THEM6: variants seen among roughly 807,000 people sequenced by gnomAD.
The protein encoded by THEM6 is protein THEM6.
THEM6 carries 10 observed loss-of-function variants against 13.7 expected under a neutral mutation model. The observed-to-expected ratio is 0.73, with a 90% CI of 0.45 to 1.24. THEM6 has a LOEUF of 1.24. Ranked by LOEUF, THEM6 falls within the 50% of genes most tolerant of loss-of-function variation. The probability of loss-of-function intolerance (pLI) is 0.00; values close to 1 mark genes in which losing one functional copy is unlikely to be tolerated. For synonymous variants in THEM6, 161 were observed against 156.0 expected, an observed-to-expected ratio of 1.03 and a Z score of -0.24; for missense variants, 317 against 312.6, an observed-to-expected ratio of 1.01 and a Z score of -0.11.
At chr8:142,731,729 G>A (rs1225478670) in intron 1 of THEM6, among the ~76,000 whole-genome samples, 2 of 152,072 alleles carry the variant, frequency 1.3e-5, no homozygotes, top group African/African-American at 4.8e-5. Flanking sequence ...GCAGCAGCAG[G>A]GCCGGGCAAT....
chr8:142,732,884 C>A (rs758979615), intron 1 of THEM6, among the ~76,000 whole-genome samples: 3 of 152,102 alleles, frequency 2.0e-5, no homozygotes, highest in Non-Finnish European at 4.4e-5. Flanking sequence ...GGATTGCCAC[C>A]AAATTGTTTG....
At position 142,727,430 on chromosome 8, in the gene THEM6, G is replaced by C; in HGVS notation, c.84G>C (p.Pro28=). The change falls in exon 1 of 2, where the codon CCG becomes CCC. Residue 28 remains proline, a synonymous_variant. Coordinates refer to ENST00000336138, the MANE Select transcript of THEM6 (RefSeq NM_016647.3). ...LLDVWYLVRL[P]CAVLRARLLQ... is the part of the protein sequence containing the mutation. ...ACGTCTGGTACCTGGTGCGCCTTCC[G>C]TGCGCCGTGCTGCGCGCGCGCCTGC... 1 of 1,546,632 alleles carries C rather than the reference G, an allele frequency of 6.5e-7. No individual in the cohort carries two copies. The highest frequency in any genetic ancestry group is 8.7e-7 in the Non-Finnish European group (1 of 1,153,504).
At chr8:142,731,891 T>C (rs1317648742) in intron 1 of THEM6, among the ~76,000 whole-genome samples, 9 of 152,136 alleles carry the variant, frequency 5.9e-5, no homozygotes, top group African/African-American at 1.9e-4. Context: ...GCCCAGAGGC[T>C]TGGCAGATGC....
rs1554642579 is a variant in THEM6, at chr8:142,727,873, G to T, written c.513+14G>T. The T allele has an allele frequency of 1.4e-6, 2 of 1,389,648 alleles. No individual in the cohort carries two copies. Among genetic ancestry groups the T allele is most frequent in the African/African-American group, 3.0e-5 (2 of 65,620 alleles). 86.1% of individuals were successfully genotyped at this position (1,389,648 alleles called of 1,614,324 possible). A position where few individuals can be genotyped will look rare whatever the true frequency, so the allele number is the denominator to read the frequency against. On this transcript the variant is annotated intron_variant, in intron 1 of 1. Coordinates refer to ENST00000336138, the MANE Select transcript of THEM6 (RefSeq NM_016647.3). ...TGCCAGCGCAGGGTGAGCGGCCCCCGCCCCTGGCCCCGGAGCACGGCCTTT... is the reference window on the plus strand; with the variant it reads ...TGCCAGCGCAGGGTGAGCGGCCCCCTCCCCTGGCCCCGGAGCACGGCCTTT...
At chr8:142,732,883 C>T (rs1487151314) in intron 1 of THEM6, among the ~76,000 whole-genome samples, 1 of 152,070 alleles carries the variant, frequency 6.6e-6, no homozygotes, top group Admixed American at 6.5e-5. Flanking sequence ...CGGATTGCCA[C>T]CAAATTGTTT....
At chr8:142,729,869 A>G (rs1554642795) in intron 1 of THEM6, among the ~76,000 whole-genome samples, 1 of 152,170 alleles carries the variant, frequency 6.6e-6, no homozygotes, top group Admixed American at 6.5e-5. Flanking sequence ...GTTTACTACA[A>G]AGTTGGCAGG....
chr8:142,727,527 C>G lies in THEM6; in HGVS notation c.181C>G (p.Leu61Val), dbSNP rs1413230051. The G allele has an allele frequency of 6.3e-7, 1 of 1,579,038 alleles. No homozygotes were observed. The highest frequency in any genetic ancestry group is 8.5e-7 in the Non-Finnish European group (1 of 1,171,070). ...CCGCGTGCTGCCCTCGGACTTGGAC[C>G]TGCTGCTGCACATGAACAACGCGCG... Reference protein sequence around the residue: ...PGRVLPSDLDLLLHMNNARYL... With the variant: ...PGRVLPSDLDVLLHMNNARYL... Residue 61 changes from leucine (L) to valine (V), a missense_variant, in exon 1 of 2, where the codon CTG becomes GTG. By Grantham distance (32) the Leu-to-Val change is conservative. Transcript: ENST00000336138.
intron 1 of THEM6, among the ~76,000 whole-genome samples, chr8:142,733,388 T>C (rs587729726): frequency 6.6e-6 from 1 of 152,400 alleles, no homozygotes; most frequent in African/African-American, 2.4e-5. Context: ...GGTCTTTGAA[T>C]AAATTTTGCT....
chr8:142,735,264 G>A lies in THEM6; in HGVS notation c.514-62G>A, dbSNP rs1815732151. On this transcript the variant is annotated intron_variant, in intron 1 of 1. Transcript: ENST00000336138. ...GGTCACGGGCTGGGGAGCAGTGTGG[G>A]CAGCGGCCCAGAGGTGGGAAGGCCG... The A allele has an allele frequency of 4.8e-6, 6 of 1,263,004 alleles. No individual in the cohort carries two copies. The Admixed American group carries it at 6.0e-5, about 13-fold the overall frequency. The allele number at this position is 1,263,004 out of a possible 1,614,324, so 78.2% of individuals were successfully genotyped here.
intron 1 of THEM6, 165 bp from the exon 2 acceptor site, chr8:142,735,161 G>A: frequency 1.6e-6 from 1 of 619,626 alleles, no homozygotes; most frequent in Non-Finnish European, 2.9e-6. Context: ...AGGTGGGTAT[G>A]CAGGGGTAGC....
rs1000052565 is a variant in THEM6, at chr8:142,735,498, A to T, written c.*59A>T. On this transcript the variant is annotated 3_prime_UTR_variant, in exon 2 of 2. Transcript: ENST00000336138. ...TCCTGGGCCTGGGGGCTGCCCACAG[A>T]TGGGCAGTCTCAGCCATACTCTGTT... 2 of 1,283,410 alleles carry T rather than the reference A, an allele frequency of 1.6e-6. No individual in the cohort carries two copies. The highest frequency in any genetic ancestry group is 2.2e-6 in the Non-Finnish European group (2 of 907,764). 79.5% of individuals were successfully genotyped at this position (1,283,410 alleles called of 1,614,324 possible). A position where few individuals can be genotyped will look rare whatever the true frequency, so the allele number is the denominator to read the frequency against.
At chr8:142,735,109 G>C in intron 1 of THEM6, 1 of 527,648 alleles carries the variant, frequency 1.9e-6, no homozygotes, top group Non-Finnish European at 3.4e-6. Context: ...TCTGGGGATG[G>C]CCCCTAGGGG....
At chr8:142,735,296 A>C in intron 1 of THEM6, 30 bp from the exon 2 acceptor site, 4 of 1,507,360 alleles carry the variant, frequency 2.7e-6, no homozygotes, top group Non-Finnish European at 3.6e-6. Flanking sequence ...GCCGTAGCTT[A>C]GCTGGGTGTC....
chr8:142,734,932 C>T (rs1815726871), intron 1 of THEM6: 1 of 197,264 alleles, frequency 5.1e-6, no homozygotes, highest in Admixed American at 5.3e-5. Flanking sequence ...GTGCCATCCT[C>T]TGGGTGCCCT....
At chr8:142,729,742 G>A (rs1478780392) in intron 1 of THEM6, among the ~76,000 whole-genome samples, 2 of 152,194 alleles carry the variant, frequency 1.3e-5, no homozygotes, top group African/African-American at 4.8e-5. Context: ...CACTGATAAG[G>A]CTGACAGTTC....
At chr8:142,730,819 A>T (rs1587582203) in intron 1 of THEM6, among the ~76,000 whole-genome samples, 1 of 149,294 alleles carries the variant, frequency 6.7e-6, no homozygotes, top group Non-Finnish European at 1.5e-5. Context: ...ATCTCAGCTC[A>T]CCGCAAGCTC....
chr8:142,728,333 G>T (rs587723655), intron 1 of THEM6, among the ~76,000 whole-genome samples: 2 of 152,342 alleles, frequency 1.3e-5, no homozygotes, highest in Admixed American at 1.3e-4. Context: ...ACCTGGGTTT[G>T]GGGTTGAGGT....
chr8:142,729,171 G>T (rs1294987669), intron 1 of THEM6, among the ~76,000 whole-genome samples: 1 of 152,004 alleles, frequency 6.6e-6, no homozygotes, highest in Admixed American at 6.5e-5. Flanking sequence ...CAGACATCGG[G>T]ATATCTGGAC....
chr8:142,727,377 C>T lies in THEM6; in HGVS notation c.31C>T (p.Leu11=), dbSNP rs1554642399. 2 of 1,524,240 alleles carry T rather than the reference C, an allele frequency of 1.3e-6. No individual in the cohort carries two copies. The highest frequency in any genetic ancestry group is 1.8e-6 in the Non-Finnish European group (2 of 1,142,300). 94.4% of individuals were successfully genotyped at this position (1,524,240 alleles called of 1,614,324 possible). A position where few individuals can be genotyped will look rare whatever the true frequency, so the allele number is the denominator to read the frequency against. Residue 11 remains leucine, a synonymous_variant, in exon 1 of 2, where the codon CTG becomes TTG. Transcript: ENST00000336138. The part of the protein sequence containing the change: MLGLLVALLA[L]GLAVFALLDV... ...GGGGCTGCTGGTGGCGTTGCTGGCC[C>T]TGGGGCTCGCTGTCTTTGCGCTGCT...
Sources: gnomAD v4.1 joint callset for allele counts (sites outside exome capture counted in the v4.1 genomes callset) on GRCh38, gnomAD v4.1.1 for gene constraint, MANE v1.5 for transcripts, NCBI Gene and HGNC (gene_info 2026-07-23, HGNC 2026-07-21) for gene names.